MYOF: variants seen among roughly 807,000 people sequenced by gnomAD.
MYOF encodes fer-1-like 3, myoferlin.
MYOF carries 244 observed loss-of-function variants against 284.2 expected under a neutral mutation model. That is an observed-to-expected ratio of 0.86 (90% CI 0.77 to 0.95). The LOEUF is 0.95. Ranked by LOEUF, MYOF falls within the 40% of genes least tolerant of loss-of-function variation. The pLI is 0.00. For missense variants in MYOF, 2,496 were observed against 2,560.6 expected, an observed-to-expected ratio of 0.97 and a Z score of 0.54; for synonymous variants, 904 against 919.7, an observed-to-expected ratio of 0.98 and a Z score of 0.31.
intron 23 of MYOF, among the ~76,000 whole-genome samples, chr10:93,373,500 T>C (rs368409736): frequency 2.8e-4 from 41 of 146,986 alleles, no homozygotes; most frequent in African/African-American, 9.0e-4. Context: ...TCTGAAATAT[T>C]AATTTTGTTT....
intron 1 of MYOF, among the ~76,000 whole-genome samples, chr10:93,463,619 C>A (rs1288823468): frequency 6.6e-6 from 1 of 151,684 alleles, no homozygotes; most frequent in East Asian, 1.9e-4. Context: ...AGGCTGGTCT[C>A]AAACTCCTGA....
intron 17 of MYOF, among the ~76,000 whole-genome samples, chr10:93,389,859 A>T (rs1240163477): frequency 6.6e-6 from 1 of 152,214 alleles, no homozygotes; most frequent in African/African-American, 2.4e-5. Context: ...GAAATATAAG[A>T]GTTGCCTTCA....
Position 93,355,739 on chromosome 10 carries a change from G to A in MYOF, c.3295-3C>T, listed in dbSNP as rs1276688213. ...CCATCTTCGGTAGTGTCTGCCCCCT[G>A]AAGTCAATTAACAGAGTCAATTAGC... On this transcript the variant is annotated splice_polypyrimidine_tract_variant and splice_region_variant and intron_variant, in intron 30 of 53. Transcript: ENST00000359263. 3 of 1,609,998 alleles carry A rather than the reference G, an allele frequency of 1.9e-6. No individual in the cohort carries two copies. In the African/African-American group the frequency reaches 4.0e-5, roughly 22 times the overall value.
chr10:93,326,018 C>T, intron 45 of MYOF, 53 bp from the exon 46 acceptor site: 1 of 1,610,234 alleles, frequency 6.2e-7, no homozygotes, highest in Non-Finnish European at 8.5e-7. Context: ...AATAGTTCAG[C>T]CAGATTGCCT....
At position 93,453,921 on chromosome 10, in the gene MYOF, G is replaced by A. The variant is rs150595320; in HGVS notation, c.145-1780C>T. 0.051 allele frequency among the ~76,000 whole-genome samples: 7,674 copies of A among 151,960 alleles called. 1,203 individuals carry two copies. The East Asian group carries it at 0.64, about 13-fold the overall frequency. The stretch of plus-strand genomic sequence containing the variant: ...AAAAGAGCCGGGCGCAGTGGCTCAT[G>A]CCTGTAATCCCAGCACTTTGGGAGG... On this transcript the variant is annotated intron_variant, in intron 2 of 53. Coordinates refer to ENST00000359263, the MANE Select transcript of MYOF (RefSeq NM_013451.4).
At chr10:93,473,939 G>A (rs1196246002) in intron 1 of MYOF, among the ~76,000 whole-genome samples, 1 of 152,158 alleles carries the variant, frequency 6.6e-6, no homozygotes, top group Non-Finnish European at 1.5e-5. Flanking sequence ...TGCCGCCTCA[G>A]GTGGCTACTG....
chr10:93,460,750 G>C lies in MYOF; in HGVS notation c.89-3813C>G, dbSNP rs1431244624. On this transcript the variant is annotated intron_variant, in intron 1 of 53. Coordinates refer to ENST00000359263, the MANE Select transcript of MYOF (RefSeq NM_013451.4). The stretch of plus-strand genomic sequence containing the variant: ...CCACTGCACTCCAGCCTGGGCAACA[G>C]AGCAAGACCCCATCTCCAAAAAAAA... Among the ~76,000 whole-genome samples, 3 of 130,006 alleles carry C rather than the reference G, an allele frequency of 2.3e-5. No individual in the cohort carries two copies. In the Admixed American group the frequency reaches 2.7e-4, roughly 12 times the overall value. 85.3% of individuals were successfully genotyped at this position (130,006 alleles called of 152,430 possible). A position where few individuals can be genotyped will look rare whatever the true frequency, so the allele number is the denominator to read the frequency against.
At chr10:93,307,441 C>T (rs887891977) in intron 53 of MYOF, among the ~76,000 whole-genome samples, 7 of 151,938 alleles carry the variant, frequency 4.6e-5, no homozygotes, top group Admixed American at 6.6e-5. Flanking sequence ...GCTGGGACTA[C>T]AGGCGCCTGC....
chr10:93,390,757 C>A, intron 17 of MYOF, among the ~76,000 whole-genome samples: 1 of 151,394 alleles, frequency 6.6e-6, no homozygotes, highest in Non-Finnish European at 1.5e-5. Context: ...AAAGCAGAGA[C>A]TCACAGAGAG....
At chr10:93,413,904 G>A (rs1049227290) in intron 5 of MYOF, among the ~76,000 whole-genome samples, 8 of 152,084 alleles carry the variant, frequency 5.3e-5, no homozygotes, top group African/African-American at 1.2e-4. Context: ...AAGATGGGAG[G>A]ACCATCTGAG....
chr10:93,408,944 A>C (rs1228738083), intron 6 of MYOF, 29 bp from the exon 7 acceptor site: 2 of 1,613,106 alleles, frequency 1.2e-6, no homozygotes, highest in Non-Finnish European at 1.7e-6. Context: ...ATGGTTACCC[A>C]ACCTTTCCCA....
intron 43 of MYOF, among the ~76,000 whole-genome samples, chr10:93,330,139 T>G (rs944046940): frequency 2.0e-5 from 3 of 152,250 alleles, no homozygotes; most frequent in Non-Finnish European, 4.4e-5. Flanking sequence ...TGCTAAGTTT[T>G]CTCATCTGTA....
At position 93,347,572 on chromosome 10, in the gene MYOF, A is replaced by G. The variant is rs1056934829; in HGVS notation, c.4249+45T>C. The G allele has an allele frequency of 6.8e-6, 10 of 1,467,644 alleles. No homozygotes were observed. The Admixed American group carries it at 2.0e-4, about 29-fold the overall frequency. The allele number at this position is 1,467,644 out of a possible 1,614,324, so 90.9% of individuals were successfully genotyped here. On this transcript the variant is annotated intron_variant, in intron 37 of 53. Transcript: ENST00000359263. ...AGACTCCGTCTCAAAAAAAAAAAAA[A>G]AAAAAAGAAAAGCCCCCAGACTTAT... is the stretch of plus-strand genomic sequence containing the variant.
chr10:93,377,471 A>T, intron 21 of MYOF, 42 bp from the exon 22 acceptor site: 1 of 1,331,090 alleles, frequency 7.5e-7, no homozygotes, highest in Non-Finnish European at 1.1e-6. Context: ...ATAATTGTTC[A>T]TTATGCCATT....
intron 46 of MYOF, among the ~76,000 whole-genome samples, chr10:93,325,332 G>A (rs1018581458): frequency 1.3e-5 from 2 of 152,168 alleles, no homozygotes; most frequent in Non-Finnish European, 2.9e-5. Context: ...CCCTGATACT[G>A]TAGTCTCAGA....
intron 48 of MYOF, among the ~76,000 whole-genome samples, chr10:93,322,092 T>TCCAAAAATA (rs2133764396): frequency 6.6e-6 from 1 of 152,196 alleles, no homozygotes; most frequent in Non-Finnish European, 1.5e-5. Context: ...GGTAATGAGA[T>TCCAAAAATA]CCAAAAATAA....
chr10:93,428,042 G>A (rs941782390), intron 4 of MYOF, among the ~76,000 whole-genome samples: 1 of 151,902 alleles, frequency 6.6e-6, no homozygotes, highest in Non-Finnish European at 1.5e-5. Flanking sequence ...ACAAACCTCA[G>A]AATAAAGGGA....
chr10:93,360,086 A>G, intron 28 of MYOF, 108 bp from the exon 29 acceptor site: 2 of 1,330,744 alleles, frequency 1.5e-6, no homozygotes, highest in Non-Finnish European at 2.1e-6. Context: ...GATGTTCTGT[A>G]CTATCATGAC....
chr10:93,399,637 G>T, intron 12 of MYOF, 142 bp from the exon 13 acceptor site: 1 of 605,428 alleles, frequency 1.7e-6, no homozygotes, highest in Non-Finnish European at 2.9e-6. Flanking sequence ...ACTTTGAGAG[G>T]CCAAGGCTGG....
Sources: gnomAD v4.1 joint callset for allele counts (sites outside exome capture counted in the v4.1 genomes callset) on GRCh38, gnomAD v4.1.1 for gene constraint, MANE v1.5 for transcripts, NCBI Gene and HGNC (gene_info 2026-07-23, HGNC 2026-07-21) for gene names.